CRB1: variants seen among roughly 807,000 people sequenced by gnomAD.
CRB1 encodes the protein protein crumbs homolog 1.
CRB1 carries 83 observed loss-of-function variants against 120.0 expected under a neutral mutation model. The observed-to-expected ratio is 0.69, with a 90% CI of 0.58 to 0.83. CRB1 has a LOEUF of 0.83. CRB1 is among the 40% of genes least tolerant of loss of function. The pLI, the probability that CRB1 is intolerant of heterozygous loss-of-function variation, is 0.00. For missense variants in CRB1, 1,699 were observed against 1,687.6 expected (o/e 1.01, Z -0.12); for synonymous variants, 625 against 612.5 (o/e 1.02, Z -0.30).
chr1:197,331,175 C>A (rs1418752299), intron 2 of CRB1, among the ~76,000 whole-genome samples: 1 of 152,018 alleles, frequency 6.6e-6, no homozygotes, highest in Non-Finnish European at 1.5e-5. Context: ...AAAAGAGGAG[C>A]CCTCTTCCTC....
chr1:197,328,772 G>A lies in CRB1; in HGVS notation c.421G>A (p.Ala141Thr), dbSNP rs1464501708. The A allele has an allele frequency of 1.2e-6, 2 of 1,612,554 alleles. No individual in the cohort carries two copies. Among genetic ancestry groups the A allele is most frequent in the Non-Finnish European group, 1.7e-6 (2 of 1,178,706 alleles). Residue 141 changes from alanine (A) to threonine (T), a missense_variant, in exon 2 of 12, where the codon GCT becomes ACT. Coordinates refer to ENST00000367400, the MANE Select transcript of CRB1 (RefSeq NM_201253.3). Reference sequence around the variant, plus strand: ...TGTCTGCATCTGCCCTGCTGGATATGCTGGAAGATTCTGTGAGATAGATCA... The same window carrying A: ...TGTCTGCATCTGCCCTGCTGGATATACTGGAAGATTCTGTGAGATAGATCA... ...YPVCICPAGY[A>T]GRFCEIDHDE...
intron 6 of CRB1, among the ~76,000 whole-genome samples, chr1:197,424,780 A>G (rs1053560178): frequency 6.6e-6 from 1 of 152,124 alleles, no homozygotes. Context: ...ATTCTTGTTA[A>G]ATTTCATCTT....
At chr1:197,436,215 T>C (rs1665154663) in intron 9 of CRB1, among the ~76,000 whole-genome samples, 1 of 152,146 alleles carries the variant, frequency 6.6e-6, no homozygotes, top group Non-Finnish European at 1.5e-5. Flanking sequence ...TGTCATATTC[T>C]GTCTTCTTAC....
intron 1 of CRB1, among the ~76,000 whole-genome samples, chr1:197,300,377 A>G (rs1348611451): frequency 6.6e-6 from 1 of 151,946 alleles, no homozygotes; most frequent in Non-Finnish European, 1.5e-5. Flanking sequence ...ACAAATGGTA[A>G]AAAAGTGAAA....
chr1:197,465,426 A>G (rs1171852808), intron 11 of CRB1, among the ~76,000 whole-genome samples: 1 of 152,096 alleles, frequency 6.6e-6, no homozygotes, highest in Non-Finnish European at 1.5e-5. Flanking sequence ...TAAAACCTAT[A>G]GACTTTTACC....
chr1:197,329,045 T>G (rs1405715278), intron 2 of CRB1, 42 bp downstream of exon 2: 7 of 1,530,878 alleles, frequency 4.6e-6, no homozygotes, highest in Non-Finnish European at 6.3e-6. Context: ...TGTAGTTAGC[T>G]CTTTCTAAGT....
chr1:197,244,811 G>A, the CRB1 span, among the ~76,000 whole-genome samples: 3 of 151,608 alleles, frequency 2.0e-5, no homozygotes, highest in Non-Finnish European at 4.4e-5. Context: ...ACAAACAGTA[G>A]ATTTTTTTGT....
intron 1 of CRB1, among the ~76,000 whole-genome samples, chr1:197,296,414 C>T (rs1387215082): frequency 1.3e-5 from 2 of 151,920 alleles, no homozygotes; most frequent in Non-Finnish European, 2.9e-5. Flanking sequence ...ATATAGTAAA[C>T]AGTACATTTA....
chr1:197,288,521 C>A (rs1188522448), intron 1 of CRB1, among the ~76,000 whole-genome samples: 1 of 151,718 alleles, frequency 6.6e-6, no homozygotes, highest in South Asian at 2.1e-4. Flanking sequence ...AAAAATAAAT[C>A]AATCAAAACA....
intron 2 of CRB1, among the ~76,000 whole-genome samples, chr1:197,331,093 G>T (rs964805874): frequency 2.6e-5 from 4 of 151,918 alleles, no homozygotes; most frequent in Non-Finnish European, 5.9e-5. Flanking sequence ...GGGAGGCAGA[G>T]CTTGCAGTGA....
the CRB1 span, among the ~76,000 whole-genome samples, chr1:197,252,454 A>T: frequency 6.9e-6 from 1 of 145,074 alleles, no homozygotes; most frequent in East Asian, 2.1e-4. Context: ...CTAAGCTAGA[A>T]TTATCATTCT....
chr1:197,282,013 G>C (rs1426442715), intron 1 of CRB1, among the ~76,000 whole-genome samples: 1 of 150,716 alleles, frequency 6.6e-6, no homozygotes, highest in Non-Finnish European at 1.5e-5. Flanking sequence ...ATATTAACTT[G>C]CTGCTTGGGT....
At chr1:197,251,377 C>T in the CRB1 span, among the ~76,000 whole-genome samples, 75 of 152,022 alleles carry the variant, frequency 4.9e-4, no homozygotes, top group Middle Eastern at 0.014. Flanking sequence ...CACAGTAGAC[C>T]TGTAAGGTAC....
chr1:197,405,330 G>A (rs1663299294), intron 5 of CRB1, among the ~76,000 whole-genome samples: 1 of 152,088 alleles, frequency 6.6e-6, no homozygotes, highest in African/African-American at 2.4e-5. Context: ...CGCCAGCCTC[G>A]GCCTCCCGAG....
the CRB1 span, among the ~76,000 whole-genome samples, chr1:197,241,516 T>TTA: frequency 1.3e-5 from 2 of 152,254 alleles, no homozygotes; most frequent in South Asian, 4.1e-4. Flanking sequence ...GTTGTAGATG[T>TTA]GTGGCATTAT....
chr1:197,252,538 T>TTATA, the CRB1 span, among the ~76,000 whole-genome samples: 46 of 27,790 alleles, frequency 1.7e-3, 1 homozygote, highest in Admixed American at 2.5e-3. Flanking sequence ...CCAATAGATT[T>TTATA]TATATATATA....
chr1:197,394,222 A>G (rs1662657113), intron 5 of CRB1, among the ~76,000 whole-genome samples: 1 of 152,112 alleles, frequency 6.6e-6, no homozygotes, highest in South Asian at 2.1e-4. Flanking sequence ...GACCTCTATG[A>G]TGATCCACTT....
Position 197,427,505 on chromosome 1 carries a change from T to G in CRB1, c.2180T>G (p.Phe727Cys), listed in dbSNP as rs1348655032. ...GQDDSTGYVI[F>C]TLDESYGDTI... Reference sequence around the variant, plus strand: ...GATGACTCCACTGGTTATGTCATCTTTACTCTTGATGAGAGCTATGGAGAC... The same window carrying G: ...GATGACTCCACTGGTTATGTCATCTGTACTCTTGATGAGAGCTATGGAGAC... The change falls in exon 7 of 12, where the codon TTT becomes TGT. Residue 727 changes from phenylalanine (F) to cysteine (C), a missense_variant. Phe to Cys is a radical substitution (Grantham distance 205). Coordinates refer to ENST00000367400, the MANE Select transcript of CRB1 (RefSeq NM_201253.3). The G allele has an allele frequency of 2.5e-6, 4 of 1,613,880 alleles. No homozygotes were observed.
intron 5 of CRB1, among the ~76,000 whole-genome samples, chr1:197,391,558 G>A (rs1008547515): frequency 1.3e-5 from 2 of 152,114 alleles, no homozygotes; most frequent in South Asian, 4.1e-4. Context: ...GTGGTTTCCT[G>A]ATAACAAGCA....
Sources: gnomAD v4.1 joint callset for allele counts (sites outside exome capture counted in the v4.1 genomes callset) on GRCh38, gnomAD v4.1.1 for gene constraint, MANE v1.5 for transcripts, NCBI Gene and HGNC (gene_info 2026-07-23, HGNC 2026-07-21) for gene names.